ADAM28: variants seen among roughly 807,000 people sequenced by gnomAD.
ADAM28 encodes disintegrin and metalloproteinase domain-containing protein 28.
Under a neutral mutation model 101.2 loss-of-function variants are expected in ADAM28, and 105 were observed. The observed-to-expected ratio is 1.04, with a 90% CI of 0.89 to 1.22. The LOEUF is 1.22. ADAM28 is among the 50% of genes most tolerant of loss of function. The pLI is 0.00. For synonymous variants in ADAM28, 322 were observed against 310.6 expected (o/e 1.04, Z -0.39); for missense variants, 1,028 against 945.4 (o/e 1.09, Z -1.15).
intron 11 of ADAM28, among the ~76,000 whole-genome samples, chr8:24,330,838 A>C (rs1231651545): frequency 6.6e-6 from 1 of 152,196 alleles, no homozygotes; most frequent in African/African-American, 2.4e-5. Context: ...TGAGACATGT[A>C]AATAAATATT....
rs141842378 is a variant in ADAM28 at position 24,348,102 on chromosome 8, C to T, written c.1991-1762C>T. Among the ~76,000 whole-genome samples the T allele has an allele frequency of 4.4e-4, 67 of 152,150 alleles. No homozygotes were observed. In the East Asian group the frequency reaches 0.011, roughly 25 times the overall value. On this transcript the variant is annotated intron_variant, in intron 18 of 22. Transcript: ENST00000265769. The stretch of plus-strand genomic sequence containing the variant: ...CTTTCCTGTTTATGTTCCCTTTTCT[C>T]TCCTTTCTTACTTTCTTATAGACTT...
At chr8:24,306,365 T>TATATATATATATATATATATTTAAAAAA (rs1809654260) in intron 2 of ADAM28, among the ~76,000 whole-genome samples, 1 of 123,100 alleles carries the variant, frequency 8.1e-6, no homozygotes, top group African/African-American at 3.0e-5. Context: ...AATAAATAAA[T>TATATATATATATATATATATTTAAAAAA]ATATATATAT....
chr8:24,350,332 A>G (rs747613849), intron 19 of ADAM28, among the ~76,000 whole-genome samples: 2 of 151,926 alleles, frequency 1.3e-5, no homozygotes, highest in African/African-American at 2.4e-5. Flanking sequence ...TTTTTTTGAG[A>G]CAAGAGTCTC....
chr8:24,313,668 C>A (rs933263192), intron 6 of ADAM28, 88 bp downstream of exon 6: 83 of 1,374,216 alleles, frequency 6.0e-5, no homozygotes, highest in Non-Finnish European at 7.6e-5. Flanking sequence ...AAACTATAGT[C>A]ATTGTCAAAA....
At chr8:24,319,468 G>A (rs1458426353) in intron 6 of ADAM28, among the ~76,000 whole-genome samples, 1 of 151,876 alleles carries the variant, frequency 6.6e-6, no homozygotes, top group African/African-American at 2.4e-5. Context: ...TAAATATTTC[G>A]TTCCCATGGA....
At position 24,353,814 on chromosome 8, in the gene ADAM28, TCCA is replaced by T. The variant is rs1434962891; in HGVS notation, c.2290_2292del (p.Pro764del). On this transcript the variant is annotated inframe_deletion, in exon 22 of 23. Transcript: ENST00000265769. ...TTCCCCCTACTGTTTTCAAGGATAA[TCCA>T]GTGTCTACACCTAAGGTAAGAGATC... 2.0e-6 allele frequency: 3 copies of T among 1,522,220 alleles called. No homozygotes were observed. In the African/African-American group the frequency reaches 4.1e-5, roughly 21 times the overall value. The allele number at this position is 1,522,220 out of a possible 1,614,324, so 94.3% of individuals were successfully genotyped here.
chr8:24,316,839 C>A (rs1338369971), intron 6 of ADAM28, among the ~76,000 whole-genome samples: 2 of 151,926 alleles, frequency 1.3e-5, no homozygotes, highest in Non-Finnish European at 2.9e-5. Context: ...ACTGAAAAAC[C>A]ATTAACACTA....
intron 18 of ADAM28, among the ~76,000 whole-genome samples, chr8:24,345,983 G>C (rs997036991): frequency 6.6e-6 from 1 of 151,858 alleles, no homozygotes; most frequent in Non-Finnish European, 1.5e-5. Context: ...TGTGTTAGTG[G>C]GTTCAGTGCC....
At chr8:24,299,362 T>C (rs1050877472) in intron 1 of ADAM28, among the ~76,000 whole-genome samples, 1 of 152,364 alleles carries the variant, frequency 6.6e-6, no homozygotes, top group Admixed American at 6.5e-5. Flanking sequence ...CTAATTTTCA[T>C]TTTTTAAATG....
chr8:24,306,385 TTTAAAA>T lies in ADAM28; in HGVS notation c.151-3508_151-3503del, dbSNP rs200072246. Among the ~76,000 whole-genome samples, 252 of 121,092 alleles carry T rather than the reference TTTAAAA, an allele frequency of 2.1e-3. 9 individuals are homozygous for T. Among genetic ancestry groups the T allele is most frequent in the Admixed American group, 5.1e-3 (63 of 12,380 alleles). The allele number at this position is 121,092 out of a possible 152,430, so 79.4% of individuals were successfully genotyped here. On this transcript the variant is annotated intron_variant, in intron 2 of 22. Coordinates refer to ENST00000265769, the MANE Select transcript of ADAM28 (RefSeq NM_014265.6). ...ATAAATATATATATATATATATATA[TTTAAAA>T]ATATATATATATATGTTCCACACAA... is the stretch of plus-strand genomic sequence containing the variant.
intron 5 of ADAM28, 134 bp from the exon 6 acceptor site, chr8:24,313,254 T>C (rs1426271434): frequency 1.3e-6 from 1 of 761,482 alleles, no homozygotes; most frequent in East Asian, 2.8e-5. Flanking sequence ...TTTTACTGTA[T>C]TTTATTGCCA....
Position 24,358,181 on chromosome 8 carries a change from G to A in ADAM28, c.*3777G>A, listed in dbSNP as rs1298807446. On this transcript the variant is annotated 3_prime_UTR_variant, in exon 23 of 23. Coordinates refer to ENST00000265769, the MANE Select transcript of ADAM28 (RefSeq NM_014265.6). ...TTCCCACAGTAAATATTTTTCAGAA[G>A]TACATGCTTTCTCAGCCACTTGACT... is the stretch of plus-strand genomic sequence containing the variant. 3.3e-5 allele frequency: 5 copies of A among 152,106 alleles called. No individual in the cohort carries two copies. Among genetic ancestry groups the A allele is most frequent in the African/African-American group, 9.7e-5 (4 of 41,412 alleles). 9.4% of individuals were successfully genotyped at this position (152,106 alleles called of 1,614,324 possible). A position where few individuals can be genotyped will look rare whatever the true frequency, so the allele number is the denominator to read the frequency against.
At chr8:24,349,832 A>C (rs1156344765) in intron 18 of ADAM28, 32 bp from the exon 19 acceptor site, 2 of 1,566,620 alleles carry the variant, frequency 1.3e-6, no homozygotes, top group Non-Finnish European at 1.8e-6. Context: ...GTGTTTCTGC[A>C]GTCCTCAGCG....
intron 8 of ADAM28, 79 bp downstream of exon 8, chr8:24,321,368 AG>A (rs1397929897): frequency 1.7e-6 from 2 of 1,169,292 alleles, no homozygotes; most frequent in Admixed American, 3.4e-5. Context: ...ACGCACATGA[AG>A]CATGGAAGCA....
chr8:24,311,999 A>T (rs1276845325), intron 5 of ADAM28, among the ~76,000 whole-genome samples: 2 of 152,036 alleles, frequency 1.3e-5, no homozygotes, highest in African/African-American at 4.8e-5. Context: ...TCAGCCTCCC[A>T]AAGTGCTGGA....
intron 6 of ADAM28, among the ~76,000 whole-genome samples, chr8:24,319,222 C>G (rs909164033): frequency 1.3e-5 from 2 of 151,980 alleles, no homozygotes; most frequent in African/African-American, 4.8e-5. Flanking sequence ...TGCCTGGCTT[C>G]TCATTTTCGT....
In ADAM28 at chr8:24,330,067, A is replaced by G. The variant is rs140212459; in HGVS notation, c.1055A>G (p.Tyr352Cys). 3.7e-6 allele frequency: 6 copies of G among 1,613,560 alleles called. No homozygotes were observed. Among genetic ancestry groups the G allele is most frequent in the East Asian group, 2.2e-5 (1 of 44,850 alleles). ...AACTTTGGAATGTTTCATGACGACT[A>G]TTCTTGCAAGTGTCCTTCTACAATA... ...GHNFGMFHDD[Y>C]SCKCPSTICV... is the part of the protein sequence containing the mutation. The change falls in exon 11 of 23, where the codon TAT becomes TGT. Residue 352 changes from tyrosine to cysteine, a missense_variant. By Grantham distance (194) the Tyr-to-Cys change is radical (BLOSUM62 -2). Transcript: ENST00000265769.
At chr8:24,352,090 A>G in intron 21 of ADAM28, 38 bp downstream of exon 21, 1 of 1,568,850 alleles carries the variant, frequency 6.4e-7, no homozygotes, top group Non-Finnish European at 8.8e-7. Context: ...ACCCTAGTTC[A>G]ATCTCCAGGA....
At position 24,323,897 on chromosome 8, in the gene ADAM28, A is replaced by G; in HGVS notation, c.784A>G (p.Lys262Glu). Reference protein sequence around the residue: ...VGMEIWTDKDKIKITPNASFT... With the variant: ...VGMEIWTDKDEIKITPNASFT... ...TATGGAAATCTGGACTGACAAGGATAAGATAAAGATAACCCCAAATGCAAG... is the reference window on the plus strand; with the variant it reads ...TATGGAAATCTGGACTGACAAGGATGAGATAAAGATAACCCCAAATGCAAG... Residue 262 changes from lysine (K) to glutamate (E), a missense_variant, in exon 9 of 23, where the codon AAG becomes GAG. Lys to Glu is a moderately conservative substitution (Grantham distance 56). Coordinates refer to ENST00000265769, the MANE Select transcript of ADAM28 (RefSeq NM_014265.6). 6.2e-7 allele frequency: 1 copy of G among 1,612,290 alleles called. No homozygotes were observed.
Sources: gnomAD v4.1 joint callset for allele counts (sites outside exome capture counted in the v4.1 genomes callset) on GRCh38, gnomAD v4.1.1 for gene constraint, MANE v1.5 for transcripts, NCBI Gene and HGNC (gene_info 2026-07-23, HGNC 2026-07-21) for gene names.